Variants in EMC1 observed in about 807,000 individuals in gnomAD.
EMC1 encodes KIAA0090.
A neutral mutation model predicts 128.8 loss-of-function variants in EMC1; 103 were observed. That is an observed-to-expected ratio of 0.80 (90% CI 0.68 to 0.94). The LOEUF is 0.94. Among genes scored for constraint, EMC1 ranks in the 40% least tolerant of loss-of-function variants. EMC1 has a pLI of 0.00. For synonymous variants in EMC1, 442 were observed against 490.4 expected, an observed-to-expected ratio of 0.90 and a Z score of 1.30; for missense variants, 1,083 against 1,250.6, an observed-to-expected ratio of 0.87 and a Z score of 2.02.
At chr1:19,234,683 T>C (rs572067581) in intron 13 of EMC1, among the ~76,000 whole-genome samples, 14 of 152,116 alleles carry the variant, frequency 9.2e-5, no homozygotes, top group African/African-American at 3.4e-4. Flanking sequence ...CTGTTGCTAC[T>C]AAAAATACAA....
In EMC1 at chr1:19,223,486, A is replaced by C. The variant is rs376929368; in HGVS notation, c.2286T>G (p.Ile762Met). Residue 762 changes from isoleucine (I) to methionine (M), a missense_variant, in exon 19 of 23, where the codon ATT becomes ATG. This residue lies in a region of EMC1 where 527 missense variants were observed against 644.1 expected (regional missense o/e 0.82). Coordinates refer to ENST00000477853, the MANE Select transcript of EMC1 (RefSeq NM_015047.3). ...HERTFIGIFL[I>M]DGVTGRIIHS... is the part of the protein sequence containing the mutation. Reference sequence around the variant, plus strand: ...GAATGATACGCCCAGTGACGCCATCAATGAGGAAGATGCCAATAAAGGTGC... The same window carrying C: ...GAATGATACGCCCAGTGACGCCATCCATGAGGAAGATGCCAATAAAGGTGC... 58 of 1,614,152 alleles carry C rather than the reference A, an allele frequency of 3.6e-5. 1 individual carries two copies. In the South Asian group the frequency reaches 3.6e-4, roughly 10 times the overall value.
In EMC1 at chr1:19,242,487, C is replaced by G. The variant is rs1328231725; in HGVS notation, c.381-14G>C. 6.2e-7 allele frequency: 1 copy of G among 1,613,834 alleles called. No individual in the cohort carries two copies. The highest frequency in any genetic ancestry group is 2.2e-5 in the East Asian group (1 of 44,890). ...AGTGCCTGGAAACTGAACACAAGTACAGGTTGAGAGCAGCCCACACCTGCA... is the reference window on the plus strand; with the variant it reads ...AGTGCCTGGAAACTGAACACAAGTAGAGGTTGAGAGCAGCCCACACCTGCA... On this transcript the variant is annotated splice_polypyrimidine_tract_variant and intron_variant, in intron 4 of 22. Coordinates refer to ENST00000477853, the MANE Select transcript of EMC1 (RefSeq NM_015047.3).
chr1:19,226,342 C>T (rs923694413), intron 18 of EMC1, among the ~76,000 whole-genome samples: 1 of 151,942 alleles, frequency 6.6e-6, no homozygotes, highest in African/African-American at 2.4e-5. Context: ...CTGGGCTAGG[C>T]GCAGTGGCTC....
chr1:19,229,255 G>A (rs1046515042), intron 17 of EMC1: 1 of 152,134 alleles, frequency 6.6e-6, no homozygotes, highest in Non-Finnish European at 1.5e-5. Flanking sequence ...CTTTTACAAT[G>A]AGAATATACT....
chr1:19,223,744 T>C (rs1303746972), intron 18 of EMC1, among the ~76,000 whole-genome samples, 175 bp from the exon 19 acceptor site: 1 of 152,210 alleles, frequency 6.6e-6, no homozygotes, highest in Non-Finnish European at 1.5e-5. Context: ...GTGCATTGGG[T>C]ACTGGGTGCC....
chr1:19,245,622 CCTTT>C (rs897805056), intron 1 of EMC1, among the ~76,000 whole-genome samples: 6 of 108,388 alleles, frequency 5.5e-5, no homozygotes, highest in Non-Finnish European at 8.8e-5. Context: ...GGGCACCTTA[CCTTT>C]CTTTTTTTTT....
In EMC1 at chr1:19,227,327, T is replaced by C. The variant is rs754850089; in HGVS notation, c.2188A>G (p.Ser730Gly). The C allele has an allele frequency of 6.2e-7, 1 of 1,614,106 alleles. No homozygotes were observed. Among genetic ancestry groups the C allele is most frequent in the Non-Finnish European group, 8.5e-7 (1 of 1,179,970 alleles). The part of the protein sequence containing the change: ...HSQGRVMGDR[S>G]VLYKSLNPNL... Reference sequence around the variant, plus strand: ...GCTGTATGTACCTTGTAGAGCACACTGCGGTCCCCCATCACACGGCCCTGG... The same window carrying C: ...GCTGTATGTACCTTGTAGAGCACACCGCGGTCCCCCATCACACGGCCCTGG... Residue 730 changes from serine (S) to glycine (G), a missense_variant, in exon 18 of 23, where the codon AGT (serine) becomes GGT (glycine). Ser to Gly is a moderately conservative substitution (Grantham distance 56). Coordinates refer to ENST00000477853, the MANE Select transcript of EMC1 (RefSeq NM_015047.3).
rs2093594296 is a variant in EMC1 at position 19,239,958 on chromosome 1, A to G, written c.814T>C (p.Phe272Leu). ...TGGGTAGGCAGGACCCGGGGTTGGA[A>G]TCCACTTCCAAATTCTAAGTCGAGA... ...QSLDLEFGSGFQPRVLPTQPN... is the reference protein window; with the variant it reads ...QSLDLEFGSGLQPRVLPTQPN... Residue 272 changes from phenylalanine (F) to leucine (L), a missense_variant, in exon 8 of 23, where the codon TTC becomes CTC. Physicochemically the swap from Phe to Leu is conservative, Grantham distance 22. Transcript: ENST00000477853. The G allele has an allele frequency of 6.2e-7, 1 of 1,612,666 alleles. No homozygotes were observed. The highest frequency in any genetic ancestry group is 8.5e-7 in the Non-Finnish European group (1 of 1,179,358).
In EMC1 at chr1:19,239,848, T is replaced by C. The variant is rs778042497; in HGVS notation, c.924A>G (p.Gly308=). ...GGAAGTTTTTAAGCAAACTCAGCGT[T>C]CCATAATGGTACTGCAGCAGAGCAT... is the stretch of plus-strand genomic sequence containing the variant. ...SHYALLQYHY[G]TLSLLKNFPQ... Residue 308 remains glycine, a synonymous_variant, in exon 8 of 23, where the codon GGA becomes GGG. Transcript: ENST00000477853. 89 of 1,613,748 alleles carry C rather than the reference T, an allele frequency of 5.5e-5. No homozygotes were observed. The highest frequency in any genetic ancestry group is 7.1e-5 in the Non-Finnish European group (84 of 1,179,952).
intron 20 of EMC1, chr1:19,221,533 G>A (rs181521671): frequency 8.6e-5 from 13 of 151,488 alleles, no homozygotes; most frequent in African/African-American, 3.2e-4. Flanking sequence ...CTACTCAGCA[G>A]ACTGAGGCAG....
intron 19 of EMC1, 87 bp downstream of exon 19, chr1:19,223,309 C>A: frequency 7.8e-7 from 1 of 1,290,154 alleles, no homozygotes; most frequent in Non-Finnish European, 1.1e-6. Context: ...CCTAAGAAAA[C>A]CAAAGCAGCA....
intron 18 of EMC1, among the ~76,000 whole-genome samples, chr1:19,224,534 G>A (rs886805409): frequency 5.3e-5 from 8 of 152,012 alleles, no homozygotes; most frequent in African/African-American, 1.7e-4. Context: ...ACCTGCTCTT[G>A]GCTCTACCTT....
chr1:19,219,629 C>T lies in EMC1; in HGVS notation c.2742G>A (p.Gln914=). The T allele has an allele frequency of 6.2e-7, 1 of 1,612,592 alleles. No homozygotes were observed. The highest frequency in any genetic ancestry group is 8.5e-7 in the Non-Finnish European group (1 of 1,179,534). Residue 914 remains glutamine, a synonymous_variant, in exon 22 of 23, where the codon CAG becomes CAA. Transcript: ENST00000477853. ...IHAERFINYN[Q]TVSRMRGIYT... ...AGATACCTCGCATTCGAGAAACTGT[C>T]TGGTTATAGTTGATGAATCGCTCTG...
At position 19,243,651 on chromosome 1, in the gene EMC1, C is replaced by T. The variant is rs749646972; in HGVS notation, c.343G>A (p.Gly115Arg). ...AGGGTTATCTCCCAGTTCAGGCCCC[C>T]GATGTTAGTCTCCCAGGAACGCATG... Reference protein sequence around the residue: ...RIMRSWETNIGGLNWEITLDS... With the variant: ...RIMRSWETNIRGLNWEITLDS... Residue 115 changes from glycine (G) to arginine (R), a missense_variant, in exon 4 of 23, where the codon GGG (glycine) becomes AGG (arginine). Transcript: ENST00000477853. 4.9e-5 allele frequency: 79 copies of T among 1,614,010 alleles called. No individual in the cohort carries two copies. The highest frequency in any genetic ancestry group is 5.6e-5 in the Non-Finnish European group (66 of 1,180,030).
At chr1:19,247,648 CG>C (rs1399807036) in intron 1 of EMC1, among the ~76,000 whole-genome samples, 4 of 152,186 alleles carry the variant, frequency 2.6e-5, no homozygotes, top group African/African-American at 9.6e-5. Flanking sequence ...TACTGGTTTA[CG>C]TATCTACTTT....
rs980291139 is a variant in EMC1, at chr1:19,241,524, GT to G, written c.510-383del. Among the ~76,000 whole-genome samples, 103 of 151,164 alleles carry G rather than the reference GT, an allele frequency of 6.8e-4. 2 individuals carry two copies. Among genetic ancestry groups the G allele is most frequent in the Non-Finnish European group, 4.4e-4 (30 of 67,702 alleles). On this transcript the variant is annotated intron_variant, in intron 5 of 22. Coordinates refer to ENST00000477853, the MANE Select transcript of EMC1 (RefSeq NM_015047.3). Reference sequence around the variant, plus strand: ...CGCCTCATAGCATTTTCTTTGTTGTGTTTTTTTTTAGACAGCGTCTCACTCT... The same window carrying G: ...CGCCTCATAGCATTTTCTTTGTTGTGTTTTTTTTAGACAGCGTCTCACTCT...
At position 19,242,465 on chromosome 1, in the gene EMC1, G is replaced by A. The variant is rs2093612180; in HGVS notation, c.389C>T (p.Ala130Val). Residue 130 changes from alanine to valine, a missense_variant, in exon 5 of 23, where the codon GCA becomes GTA. Transcript: ENST00000477853. ...EITLDSGSFQALGLVGLQESV... is the reference protein window; with the variant it reads ...EITLDSGSFQVLGLVGLQESV... ...CTCCTGCAGGCCAACCAGCCCAAGT[G>A]CCTGGAAACTGAACACAAGTACAGG... is the stretch of plus-strand genomic sequence containing the variant. 2 of 1,614,116 alleles carry A rather than the reference G, an allele frequency of 1.2e-6. No homozygotes were observed. Among genetic ancestry groups the A allele is most frequent in the Non-Finnish European group, 1.7e-6 (2 of 1,180,026 alleles).
chr1:19,244,412 A>ATT (rs1230407307), intron 2 of EMC1, among the ~76,000 whole-genome samples: 3 of 152,170 alleles, frequency 2.0e-5, no homozygotes, highest in African/African-American at 7.2e-5. Context: ...TGTTTTTTGC[A>ATT]GCAGCATCTT....
At chr1:19,237,932 C>A in intron 11 of EMC1, 85 bp downstream of exon 11, 1 of 1,516,312 alleles carries the variant, frequency 6.6e-7, no homozygotes, top group East Asian at 2.4e-5. Context: ...AATCCAAGCC[C>A]CATGGCTAAG....
Sources: gnomAD v4.1 joint callset for allele counts (sites outside exome capture counted in the v4.1 genomes callset) on GRCh38, gnomAD v4.1.1 for gene constraint, gnomAD v4.1.1 regional missense constraint, MANE v1.5 for transcripts, NCBI Gene and HGNC (gene_info 2026-07-23, HGNC 2026-07-21) for gene names.